Variants in ZBTB48 observed in about 807,000 individuals in gnomAD.
The protein encoded by ZBTB48 is zinc finger and BTB domain containing 48.
A neutral mutation model predicts 64.5 loss-of-function variants in ZBTB48; 35 were observed. The observed-to-expected ratio is 0.54, with a 90% CI of 0.41 to 0.72. The LOEUF is 0.72. ZBTB48 is among the 30% of genes least tolerant of loss of function. ZBTB48 has a pLI of 0.00. For missense variants in ZBTB48, 828 were observed against 895.3 expected, an observed-to-expected ratio of 0.92 and a Z score of 0.96; for synonymous variants, 442 against 356.7, an observed-to-expected ratio of 1.24 and a Z score of -2.70.
chr1:6,587,749 C>A, intron 7 of ZBTB48, 117 bp downstream of exon 7: 1 of 1,479,440 alleles, frequency 6.8e-7, no homozygotes, highest in Non-Finnish European at 9.0e-7. Context: ...TGGCCTCCAC[C>A]CTGAATCTAG....
At chr1:6,587,127 G>T (rs757171805) in intron 5 of ZBTB48, 78 bp from the exon 6 acceptor site, 1 of 1,491,080 alleles carries the variant, frequency 6.7e-7, no homozygotes, top group Admixed American at 1.7e-5. Context: ...TCTAGTTCCT[G>T]CCCTATAGCC....
At position 6,581,004 on chromosome 1, in the gene ZBTB48, C is replaced by A; in HGVS notation, c.395C>A (p.Pro132His). 6.2e-7 allele frequency: 1 copy of A among 1,613,454 alleles called. No homozygotes were observed. The highest frequency in any genetic ancestry group is 1.1e-5 in the South Asian group (1 of 91,082). The change falls in exon 2 of 11, where the codon CCC (proline) becomes CAC (histidine). Residue 132 changes from proline to histidine, a missense_variant. Coordinates refer to ENST00000377674, the MANE Select transcript of ZBTB48 (RefSeq NM_005341.4). ...GCAGGTGGCCAGAGTGGGCTGGGGC[C>A]CCCTGCCTCCCAGAATGTGAACAGC... ...QAAGGQSGLG[P>H]PASQNVNSHV...
At position 6,580,615 on chromosome 1, in the gene ZBTB48, C is replaced by T. The variant is rs146128087; in HGVS notation, c.6C>T (p.Asp2=). The part of the protein sequence containing the change: M[D]GSFVQHSVRV... ...GCCTCCCTGCCCTCCAGACCATGGA[C>T]GGCTCCTTCGTCCAGCACAGTGTGA... is the stretch of plus-strand genomic sequence containing the variant. Residue 2 remains aspartate, a synonymous_variant, in exon 2 of 11, where the codon GAC becomes GAT. Coordinates refer to ENST00000377674, the MANE Select transcript of ZBTB48 (RefSeq NM_005341.4). This position sits in a 1 kb window ranked among gnomAD's most constrained non-coding sequence, Gnocchi z 5.2. 3.0e-4 allele frequency: 477 copies of T among 1,608,064 alleles called. No individual in the cohort carries two copies. The highest frequency in any genetic ancestry group is 3.6e-4 in the Non-Finnish European group (421 of 1,175,772).
intron 8 of ZBTB48, 37 bp from the exon 9 acceptor site, chr1:6,588,241 C>T: frequency 6.2e-7 from 1 of 1,612,180 alleles, no homozygotes; most frequent in Non-Finnish European, 8.5e-7. Flanking sequence ...ATCCTGAGGC[C>T]AAGGCCACAG....
Position 6,587,475 on chromosome 1 carries a change from C to T in ZBTB48, c.1225-3C>T, listed in dbSNP as rs756510465. 5 of 1,613,784 alleles carry T rather than the reference C, an allele frequency of 3.1e-6. No homozygotes were observed. In the South Asian group the frequency reaches 4.4e-5, roughly 14 times the overall value. ...TCCCTCTGCCTGCCTGGTCTGCCTG[C>T]AGTGCCCCACCTGTGCCAAGTGCTT... On this transcript the variant is annotated splice_polypyrimidine_tract_variant and splice_region_variant and intron_variant, in intron 6 of 10. Coordinates refer to ENST00000377674, the MANE Select transcript of ZBTB48 (RefSeq NM_005341.4).
chr1:6,586,096 C>T (rs1261939675), intron 4 of ZBTB48, 66 bp downstream of exon 4: 70 of 1,505,788 alleles, frequency 4.6e-5, no homozygotes, highest in South Asian at 6.8e-5. Flanking sequence ...TCGTGCCATC[C>T]GGGAAGGGCC....
Position 6,589,178 on chromosome 1 carries a change from T to C in ZBTB48, c.2033T>C (p.Ile678Thr). The C allele has an allele frequency of 6.5e-7, 1 of 1,538,960 alleles. No individual in the cohort carries two copies. The highest frequency in any genetic ancestry group is 8.7e-7 in the Non-Finnish European group (1 of 1,146,604). ...GGTGTCCTGGAGCCCTCCCTCATCA[T>C]CACAGCTGCTGTCCCCGAGGACTGT... Reference protein sequence around the residue: ...GPGVLEPSLIITAAVPEDCDT With the variant: ...GPGVLEPSLITTAAVPEDCDT Residue 678 changes from isoleucine to threonine, a missense_variant, in exon 11 of 11, where the codon ATC becomes ACC. Transcript: ENST00000377674.
chr1:6,586,599 A>C, intron 4 of ZBTB48, 96 bp from the exon 5 acceptor site: 3 of 1,402,888 alleles, frequency 2.1e-6, no homozygotes, highest in Non-Finnish European at 2.8e-6. Flanking sequence ...CCCCAGGCAG[A>C]CTCTTCCCAG....
chr1:6,586,995 G>A (rs1311611057), intron 5 of ZBTB48: 27 of 857,980 alleles, frequency 3.1e-5, no homozygotes, highest in Non-Finnish European at 5.2e-5. Flanking sequence ...TTAGGCCCTT[G>A]TTTCTTTCCA....
rs201647959 is a variant in ZBTB48 at position 6,585,973 on chromosome 1, T to A, written c.987T>A (p.Phe329Leu). 15 of 1,613,970 alleles carry A rather than the reference T, an allele frequency of 9.3e-6. No individual in the cohort carries two copies. The highest frequency in any genetic ancestry group is 1.3e-5 in the African/African-American group (1 of 74,904). ...FECPKCGKCYFRKENLLEHEA... is the reference protein window; with the variant it reads ...FECPKCGKCYLRKENLLEHEA... Reference sequence around the variant, plus strand: ...GTCCCAAATGTGGGAAGTGTTACTTTCGGAAGGAGAACCTCCTGGAGCATG... The same window carrying A: ...GTCCCAAATGTGGGAAGTGTTACTTACGGAAGGAGAACCTCCTGGAGCATG... Residue 329 changes from phenylalanine (F) to leucine (L), a missense_variant, in exon 4 of 11, where the codon TTT (phenylalanine) becomes TTA (leucine). Phe to Leu is a conservative substitution (Grantham distance 22). Transcript: ENST00000377674.
Position 6,585,907 on chromosome 1 carries a change from T to C in ZBTB48, c.933-12T>C. On this transcript the variant is annotated splice_polypyrimidine_tract_variant and intron_variant, in intron 3 of 10. Transcript: ENST00000377674. The stretch of plus-strand genomic sequence containing the variant: ...CTCTCAGCCCCCCCACCCCTGTGGC[T>C]TCTCCTGGCAGGAAACATACTGGGG... The C allele has an allele frequency of 6.2e-7, 1 of 1,613,774 alleles. No individual in the cohort carries two copies. Among genetic ancestry groups the C allele is most frequent in the Non-Finnish European group, 8.5e-7 (1 of 1,179,764 alleles).
rs1640783604 is a variant in ZBTB48 at position 6,589,013 on chromosome 1, T to C, written c.1868T>C (p.Met623Thr). 3 of 1,595,918 alleles carry C rather than the reference T, an allele frequency of 1.9e-6. No individual in the cohort carries two copies. The highest frequency in any genetic ancestry group is 2.7e-5 in the African/African-American group (2 of 74,336). The stretch of plus-strand genomic sequence containing the variant: ...AACCTGATCATCGAGGACGAGAAGA[T>C]GGTGGTGGTGGCGCTGCAGCCGCCT... ...LRNLIIEDEK[M>T]VVVALQPPAE... The change falls in exon 11 of 11, where the codon ATG becomes ACG. Residue 623 changes from methionine to threonine, a missense_variant. By Grantham distance (81) the Met-to-Thr change is moderately conservative (BLOSUM62 -1). Coordinates refer to ENST00000377674, the MANE Select transcript of ZBTB48 (RefSeq NM_005341.4).
At chr1:6,586,578 G>A (rs528941812) in intron 4 of ZBTB48, 117 bp from the exon 5 acceptor site, 44 of 1,169,326 alleles carry the variant, frequency 3.8e-5, no homozygotes, top group Non-Finnish European at 4.2e-5. Context: ...CCACCCTAGC[G>A]TCCCCACCCT....
chr1:6,587,846 G>GAGGC (rs2148695221), intron 7 of ZBTB48, among the ~76,000 whole-genome samples: 2 of 152,304 alleles, frequency 1.3e-5, no homozygotes, highest in South Asian at 4.1e-4. Flanking sequence ...TTCAGGCTCA[G>GAGGC]ACAAGCCTCT....
At position 6,586,915 on chromosome 1, in the gene ZBTB48, TTCCCTGCC is replaced by T. The variant is rs781639916; in HGVS notation, c.1137+130_1137+137del. The T allele has an allele frequency of 1.8e-5, 19 of 1,076,032 alleles. No individual in the cohort carries two copies. In the South Asian group the frequency reaches 2.6e-4, roughly 15 times the overall value. The allele number at this position is 1,076,032 out of a possible 1,614,324, so 66.7% of individuals were successfully genotyped here. ...TGTCAGGGAGCCTGCCTTCCCTGCC[TTCCCTGCC>T]TTTCCAGTGCCCCCTTATCTAGGCA... On this transcript the variant is annotated intron_variant, in intron 5 of 10. Coordinates refer to ENST00000377674, the MANE Select transcript of ZBTB48 (RefSeq NM_005341.4).
At position 6,588,491 on chromosome 1, in the gene ZBTB48, G is replaced by A. The variant is rs1462190133; in HGVS notation, c.1681+49G>A. 13 of 1,463,178 alleles carry A rather than the reference G, an allele frequency of 8.9e-6. No homozygotes were observed. In the South Asian group the frequency reaches 1.3e-4, roughly 14 times the overall value. 90.6% of individuals were successfully genotyped at this position (1,463,178 alleles called of 1,614,324 possible). A position where few individuals can be genotyped will look rare whatever the true frequency, so the allele number is the denominator to read the frequency against. On this transcript the variant is annotated intron_variant, in intron 9 of 10. Coordinates refer to ENST00000377674, the MANE Select transcript of ZBTB48 (RefSeq NM_005341.4). ...CCATTTCCTGCTCATCCGAGTTGGAGGGTCTCTGAGGAGGAAACGCTCCTT... is the reference window on the plus strand; with the variant it reads ...CCATTTCCTGCTCATCCGAGTTGGAAGGTCTCTGAGGAGGAAACGCTCCTT...
intron 6 of ZBTB48, 30 bp downstream of exon 6, chr1:6,587,321 T>C: frequency 6.2e-7 from 1 of 1,613,796 alleles, no homozygotes; most frequent in African/African-American, 1.3e-5. Flanking sequence ...GGGCATGCTT[T>C]GATGCTGGCA....
rs768796454 is a variant in ZBTB48, at chr1:6,589,035, G to A, written c.1890G>A (p.Pro630=). The change falls in exon 11 of 11, where the codon CCG becomes CCA. Residue 630 remains proline, a synonymous_variant. Transcript: ENST00000377674. ...DEKMVVVALQ[P]PAELEVGSAE... is the part of the protein sequence containing the mutation. The stretch of plus-strand genomic sequence containing the variant: ...AGATGGTGGTGGTGGCGCTGCAGCC[G>A]CCTGCAGAGCTGGAGGTGGGCTCGG... 20 of 1,599,200 alleles carry A rather than the reference G, an allele frequency of 1.3e-5. No individual in the cohort carries two copies. The highest frequency in any genetic ancestry group is 1.7e-4 in the Middle Eastern group (1 of 5,976).
At chr1:6,586,865 T>G (rs1490382931) in intron 5 of ZBTB48, 78 bp downstream of exon 5, 1 of 1,486,952 alleles carries the variant, frequency 6.7e-7, no homozygotes, top group Non-Finnish European at 9.2e-7. Context: ...CGTGGGGTGC[T>G]GTCAGGCACC....
Sources: gnomAD v4.1 joint callset for allele counts (sites outside exome capture counted in the v4.1 genomes callset) on GRCh38, gnomAD v4.1.1 for gene constraint, Gnocchi (gnomAD v3.1) non-coding constraint, MANE v1.5 for transcripts, NCBI Gene and HGNC (gene_info 2026-07-23, HGNC 2026-07-21) for gene names.